DLG2: variants seen among roughly 807,000 people sequenced by gnomAD.
The protein encoded by DLG2 is discs large MAGUK scaffold protein 2, also known as disks large homolog 2.
In DLG2, 45 loss-of-function variants were observed where a neutral mutation model predicts 132.5. The observed-to-expected ratio is 0.34, with a 90% confidence interval of 0.27 to 0.44. The LOEUF is 0.44. Among genes scored for constraint, DLG2 ranks in the 20% least tolerant of loss-of-function variants. The probability of loss-of-function intolerance (pLI) is 1.00; values close to 1 mark genes in which losing one functional copy is unlikely to be tolerated. For missense variants in DLG2, 1,045 were observed against 1,196.9 expected (o/e 0.87, Z 1.87); for synonymous variants, 424 against 419.6 (o/e 1.01, Z -0.13).
chr11:85,269,484 A>G (rs1318492248), intron 4 of DLG2, among the ~76,000 whole-genome samples: 1 of 152,248 alleles, frequency 6.6e-6, no homozygotes, highest in Non-Finnish European at 1.5e-5. Context: ...ATTAAGAGTA[A>G]AGATTGTAGA....
chr11:85,360,916 G>C (rs2084093770), intron 3 of DLG2, among the ~76,000 whole-genome samples: 1 of 152,092 alleles, frequency 6.6e-6, no homozygotes. Flanking sequence ...GACTACAGTG[G>C]TAATAATAGT....
At chr11:84,232,714 G>A (rs914443202) in intron 8 of DLG2, among the ~76,000 whole-genome samples, 1 of 152,108 alleles carries the variant, frequency 6.6e-6, no homozygotes, top group African/African-American at 2.4e-5. Context: ...AACCATGCTG[G>A]CACCCTGATC....
chr11:84,317,126 T>C (rs1262330643), intron 7 of DLG2: 1 of 1,612,398 alleles, frequency 6.2e-7, no homozygotes, highest in Non-Finnish European at 8.5e-7. Context: ...GCTGTGTTGC[T>C]TGGTGAGGTA....
chr11:83,664,162 C>T (rs997047501), intron 18 of DLG2, among the ~76,000 whole-genome samples: 8 of 152,166 alleles, frequency 5.3e-5, no homozygotes, highest in Admixed American at 2.6e-4. Flanking sequence ...ATAGTATTGT[C>T]TTCACTAACA....
chr11:85,262,495 G>C (rs1411378254), intron 4 of DLG2, among the ~76,000 whole-genome samples: 1 of 152,160 alleles, frequency 6.6e-6, no homozygotes, highest in Non-Finnish European at 1.5e-5. Context: ...TTTAATGGGA[G>C]TCTGAAGGAA....
At chr11:85,322,329 C>T (rs1329159905) in intron 3 of DLG2, among the ~76,000 whole-genome samples, 1 of 152,238 alleles carries the variant, frequency 6.6e-6, no homozygotes, top group East Asian at 1.9e-4. Context: ...CTCCTTTCCT[C>T]TATGGTCATT....
At chr11:84,762,972 A>T (rs182782295) in intron 6 of DLG2, among the ~76,000 whole-genome samples, 3 of 152,304 alleles carry the variant, frequency 2.0e-5, no homozygotes, top group Admixed American at 1.3e-4. Flanking sequence ...TTGAAAAAAA[A>T]ATATTTTATA....
At chr11:83,615,363 C>T (rs10501543) in intron 19 of DLG2, among the ~76,000 whole-genome samples, 28,496 of 152,062 alleles carry the variant, frequency 0.19, 2,818 homozygotes, top group African/African-American at 0.19. Context: ...TACTGTTATT[C>T]CTATTCTAGC....
At chr11:84,544,220 G>C (rs541628145) in intron 6 of DLG2, among the ~76,000 whole-genome samples, 1 of 152,322 alleles carries the variant, frequency 6.6e-6, no homozygotes, top group East Asian at 1.9e-4. Flanking sequence ...AGAGGTAACT[G>C]TAATTCTAAA....
chr11:83,631,767 A>G (rs1018871983), intron 19 of DLG2: 1 of 152,186 alleles, frequency 6.6e-6, no homozygotes, highest in African/African-American at 2.4e-5. Context: ...TTATATATAT[A>G]ACCATTTCAG....
At chr11:84,024,274 T>A (rs1256676961) in intron 11 of DLG2, among the ~76,000 whole-genome samples, 1 of 152,146 alleles carries the variant, frequency 6.6e-6, no homozygotes, top group Non-Finnish European at 1.5e-5. Context: ...GAAACACACA[T>A]CTAACTAAAG....
At chr11:83,721,141 G>A (rs879301080) in intron 18 of DLG2, among the ~76,000 whole-genome samples, 2 of 152,114 alleles carry the variant, frequency 1.3e-5, no homozygotes, top group Non-Finnish European at 1.5e-5. Context: ...TTATACAGGT[G>A]AGAAGAGAAG....
intron 3 of DLG2, among the ~76,000 whole-genome samples, chr11:85,455,435 G>A (rs2092389957): frequency 6.6e-6 from 1 of 152,268 alleles, no homozygotes; most frequent in East Asian, 1.9e-4. Flanking sequence ...AGAGACTATA[G>A]AGTTTGCTAG....
At chr11:84,990,785 T>G (rs984735330) in intron 6 of DLG2, among the ~76,000 whole-genome samples, 1 of 151,972 alleles carries the variant, frequency 6.6e-6, no homozygotes, top group Non-Finnish European at 1.5e-5. Flanking sequence ...GAAAGTTCCA[T>G]GAAGAACTAA....
intron 15 of DLG2, among the ~76,000 whole-genome samples, chr11:83,912,460 C>A (rs1486758731): frequency 2.6e-5 from 4 of 152,058 alleles, no homozygotes; most frequent in East Asian, 1.9e-4. Flanking sequence ...AAAATGGCAC[C>A]GTGAAAAGAG....
chr11:83,912,245 A>T (rs2076204787), intron 15 of DLG2, among the ~76,000 whole-genome samples: 2 of 152,162 alleles, frequency 1.3e-5, no homozygotes, highest in African/African-American at 4.8e-5. Context: ...AAAAAGTAAC[A>T]TTATTGATGA....
At chr11:83,932,857 C>T (rs1018669311) in intron 14 of DLG2, among the ~76,000 whole-genome samples, 4 of 152,174 alleles carry the variant, frequency 2.6e-5, no homozygotes, top group Non-Finnish European at 5.9e-5. Flanking sequence ...TTATCATGAA[C>T]TGAGTGGCTT....
intron 6 of DLG2, among the ~76,000 whole-genome samples, chr11:84,727,800 A>G (rs1477371369): frequency 6.6e-6 from 1 of 152,134 alleles, no homozygotes; most frequent in East Asian, 1.9e-4. Context: ...TTCTCCTTGA[A>G]GAGGTCCTTC....
intron 6 of DLG2, among the ~76,000 whole-genome samples, chr11:84,722,917 T>A (rs2061998080): frequency 6.6e-6 from 1 of 152,156 alleles, no homozygotes; most frequent in South Asian, 2.1e-4. Context: ...AATCTATACG[T>A]TCTTAAATGT....
Sources: allele counts gnomAD v4.1 joint callset (sites outside exome capture counted in the v4.1 genomes callset), GRCh38; gene constraint gnomAD v4.1.1; transcripts MANE v1.5; gene names NCBI Gene and HGNC (gene_info 2026-07-23, HGNC 2026-07-21).